The following NKAIN2 variants were observed in gnomAD, a reference collection of about 807,000 sequenced individuals.
The protein encoded by NKAIN2 is sodium/potassium transporting ATPase interacting 2.
NKAIN2 carries 14 observed loss-of-function variants against 32.6 expected under a neutral mutation model. The observed-to-expected ratio is 0.43, with a 90% CI of 0.28 to 0.67. The LOEUF (loss-of-function observed/expected upper bound fraction) is 0.67, where lower values mean the gene tolerates loss of function less well. Among genes scored for constraint, NKAIN2 ranks in the 30% least tolerant of loss-of-function variants. The pLI is 0.17. For synonymous variants in NKAIN2, 80 were observed against 87.2 expected, an observed-to-expected ratio of 0.92 and a Z score of 0.46; for missense variants, 198 against 258.3, an observed-to-expected ratio of 0.77 and a Z score of 1.60.
intron 1 of NKAIN2, among the ~76,000 whole-genome samples, chr6:124,279,084 A>G (rs1210577220): frequency 1.3e-5 from 2 of 152,150 alleles, no homozygotes; most frequent in Admixed American, 1.3e-4. Flanking sequence ...TACATGACAG[A>G]TATATGCCTA....
At chr6:124,281,727 A>G (rs966769422) in intron 1 of NKAIN2, among the ~76,000 whole-genome samples, 1 of 152,166 alleles carries the variant, frequency 6.6e-6, no homozygotes, top group African/African-American at 2.4e-5. Context: ...TCAATGCCTG[A>G]TGGGAAAACG....
At chr6:124,414,948 AAAG>A (rs528394753) in intron 3 of NKAIN2, among the ~76,000 whole-genome samples, 26 of 151,846 alleles carry the variant, frequency 1.7e-4, no homozygotes, top group African/African-American at 5.3e-4. Context: ...CAGCTTTAAA[AAAG>A]AATCATCTTG....
intron 3 of NKAIN2, among the ~76,000 whole-genome samples, chr6:124,448,403 G>T (rs2114614144): frequency 6.6e-6 from 1 of 152,244 alleles, no homozygotes; most frequent in East Asian, 1.9e-4. Flanking sequence ...GACCAAGAGA[G>T]ACTTGTCAAT....
intron 1 of NKAIN2, among the ~76,000 whole-genome samples, chr6:124,220,022 T>C (rs1461949403): frequency 6.6e-6 from 1 of 152,186 alleles, no homozygotes; most frequent in African/African-American, 2.4e-5. Flanking sequence ...TTAATGGCTT[T>C]CTACTTGATA....
At chr6:123,827,299 A>C (rs1774188168) in intron 1 of NKAIN2, among the ~76,000 whole-genome samples, 1 of 152,094 alleles carries the variant, frequency 6.6e-6, no homozygotes, top group Non-Finnish European at 1.5e-5. Flanking sequence ...AAATTGAACC[A>C]ATGAATTTCC....
intron 2 of NKAIN2, among the ~76,000 whole-genome samples, chr6:124,344,044 C>T (rs1038862088): frequency 2.0e-5 from 3 of 152,026 alleles, no homozygotes; most frequent in African/African-American, 7.2e-5. Context: ...TCAGCTTTCT[C>T]CATATGGCTA....
chr6:124,231,962 ATCT>A (rs1334794654), intron 1 of NKAIN2, among the ~76,000 whole-genome samples: 3 of 152,142 alleles, frequency 2.0e-5, no homozygotes, highest in Admixed American at 6.6e-5. Flanking sequence ...TGTCTTCTCT[ATCT>A]TCTTCTTTTA....
chr6:123,994,712 A>G (rs139075263), intron 1 of NKAIN2, among the ~76,000 whole-genome samples: 198 of 152,050 alleles, frequency 1.3e-3, no homozygotes, highest in African/African-American at 4.5e-3. Context: ...AGGTTTTTTT[A>G]ATTCATTAAA....
intron 3 of NKAIN2, among the ~76,000 whole-genome samples, chr6:124,509,673 A>G (rs1395517923): frequency 2.0e-5 from 3 of 152,198 alleles, no homozygotes; most frequent in Admixed American, 6.5e-5. Flanking sequence ...GTGTTTGATT[A>G]AAGTAATTAA....
chr6:124,240,180 C>G (rs1386820577), intron 1 of NKAIN2, among the ~76,000 whole-genome samples: 1 of 151,912 alleles, frequency 6.6e-6, no homozygotes, highest in South Asian at 2.1e-4. Context: ...ATACACCCTC[C>G]CAAGATTAAA....
In NKAIN2 at chr6:124,492,034, T is replaced by TGAG. The variant is rs1283851464; in HGVS notation, c.273+136688_273+136690dup. Among the ~76,000 whole-genome samples the TGAG allele has an allele frequency of 2.6e-5, 4 of 151,884 alleles. No individual in the cohort carries two copies. In the East Asian group the frequency reaches 7.7e-4, roughly 29 times the overall value. On this transcript the variant is annotated intron_variant, in intron 3 of 6. Coordinates refer to ENST00000368417, the MANE Select transcript of NKAIN2 (RefSeq NM_001040214.3). ...ATGACAATGGTGAATTTAAAAAGAATGAGATTCAAATCAGTAAAATTGTAA... is the reference window on the plus strand; with the variant it reads ...ATGACAATGGTGAATTTAAAAAGAATGAGGAGATTCAAATCAGTAAAATTGTAA...
chr6:123,898,568 T>A (rs932978983), intron 1 of NKAIN2, among the ~76,000 whole-genome samples: 8 of 144,964 alleles, frequency 5.5e-5, no homozygotes, highest in Non-Finnish European at 7.5e-5. Flanking sequence ...TTTTTTTTTT[T>A]ATTTCCTTCT....
intron 1 of NKAIN2, among the ~76,000 whole-genome samples, chr6:123,900,059 C>T (rs1350662558): frequency 6.6e-6 from 1 of 152,166 alleles, no homozygotes; most frequent in Non-Finnish European, 1.5e-5. Flanking sequence ...TGCTAGGTGT[C>T]ATGTATAGGA....
At chr6:123,848,283 A>G (rs1269939327) in intron 1 of NKAIN2, among the ~76,000 whole-genome samples, 1 of 152,176 alleles carries the variant, frequency 6.6e-6, no homozygotes, top group Non-Finnish European at 1.5e-5. Context: ...ACTGCCAACT[A>G]CCGTATGATT....
Position 123,804,185 on chromosome 6 carries a change from A to C in NKAIN2, c.-16A>C, listed in dbSNP as rs1220985274. On this transcript the variant is annotated 5_prime_UTR_variant, in exon 1 of 7. Transcript: ENST00000368417. ...CGACGTGGGACAGTCTGGCTGTGGC[A>C]GGGGTCTCGGAAACCATGGGTTATT... 3.1e-6 allele frequency: 5 copies of C among 1,612,912 alleles called. No homozygotes were observed. Among genetic ancestry groups the C allele is most frequent in the South Asian group, 1.1e-5 (1 of 91,058 alleles).
chr6:123,809,063 T>C (rs1382183307), intron 1 of NKAIN2, among the ~76,000 whole-genome samples: 1 of 152,138 alleles, frequency 6.6e-6, no homozygotes, highest in African/African-American at 2.4e-5. Flanking sequence ...ATTTCAGTTA[T>C]GTTATTTGGT....
chr6:124,251,255 GTTAAC>G (rs1793681319), intron 1 of NKAIN2, among the ~76,000 whole-genome samples: 1 of 151,940 alleles, frequency 6.6e-6, no homozygotes, highest in African/African-American at 2.4e-5. Context: ...CATGTTCTGT[GTTAAC>G]TTAAAGTATA....
At chr6:124,803,246 A>C (rs941648422) in intron 5 of NKAIN2, among the ~76,000 whole-genome samples, 2 of 152,126 alleles carry the variant, frequency 1.3e-5, no homozygotes, top group African/African-American at 4.8e-5. Flanking sequence ...ACCTCGACAA[A>C]TCTCTGTACA....
At chr6:124,297,625 C>T (rs1208914536) in intron 2 of NKAIN2, among the ~76,000 whole-genome samples, 1 of 151,940 alleles carries the variant, frequency 6.6e-6, no homozygotes, top group Non-Finnish European at 1.5e-5. Flanking sequence ...ACCTGGTTAC[C>T]TTGGTTGCTG....
Sources: gnomAD v4.1 joint callset for allele counts (sites outside exome capture counted in the v4.1 genomes callset) on GRCh38, gnomAD v4.1.1 for gene constraint, MANE v1.5 for transcripts, NCBI Gene and HGNC (gene_info 2026-07-23, HGNC 2026-07-21) for gene names.